Variants in CFAP299 observed in about 807,000 individuals in gnomAD.
The protein encoded by CFAP299 is cilia and flagella associated protein 299.
CFAP299 carries 21 observed loss-of-function variants against 27.0 expected under a neutral mutation model. The ratio of observed to expected loss-of-function variants is 0.78; its 90% CI spans 0.55 to 1.12. The LOEUF (loss-of-function observed/expected upper bound fraction) is 1.12, where lower values mean the gene tolerates loss of function less well. Among genes scored for constraint, CFAP299 ranks in the 50% most tolerant of loss-of-function variants. The pLI, the probability that CFAP299 is intolerant of heterozygous loss-of-function variation, is 0.00. For missense variants in CFAP299, 310 were observed against 276.6 expected, an observed-to-expected ratio of 1.12 and a Z score of -0.86; for synonymous variants, 104 against 98.1, an observed-to-expected ratio of 1.06 and a Z score of -0.36.
At chr4:80,601,095 A>G (rs931236606) in intron 3 of CFAP299, among the ~76,000 whole-genome samples, 2 of 152,148 alleles carry the variant, frequency 1.3e-5, no homozygotes, top group Non-Finnish European at 2.9e-5. Flanking sequence ...GGTTAGAGAG[A>G]AGAATCAATA....
intron 3 of CFAP299, among the ~76,000 whole-genome samples, chr4:80,756,164 C>T (rs529392991): frequency 1.3e-5 from 2 of 152,180 alleles, no homozygotes; most frequent in South Asian, 2.1e-4. Flanking sequence ...ATACTTTACT[C>T]TCTTTTTTGC....
intron 2 of CFAP299, among the ~76,000 whole-genome samples, chr4:80,369,862 C>G (rs1724044903): frequency 2.0e-5 from 3 of 152,188 alleles, no homozygotes; most frequent in Admixed American, 2.0e-4. Context: ...TAGCTGACAG[C>G]TTCTGGATAG....
At chr4:80,768,421 AT>A (rs915944758) in intron 3 of CFAP299, among the ~76,000 whole-genome samples, 2 of 152,222 alleles carry the variant, frequency 1.3e-5, no homozygotes, top group African/African-American at 4.8e-5. Context: ...CACATAACAT[AT>A]TTTTAGATAC....
rs193271044 is a variant in CFAP299, at chr4:80,731,872, C to T, written c.334-138121C>T. 2.0e-3 allele frequency among the ~76,000 whole-genome samples: 298 copies of T among 152,304 alleles called. 1 individual carries two copies. The highest frequency in any genetic ancestry group is 3.0e-3 in the Non-Finnish European group (201 of 68,022). On this transcript the variant is annotated intron_variant, in intron 3 of 5. Coordinates refer to ENST00000358105, the MANE Select transcript of CFAP299 (RefSeq NM_152770.3). ...TTAAAAAAATCTCACCAACCCTCAA[C>T]ATGGCCCTTTCCTGATTTGTTTTTA...
chr4:80,962,142 T>G (rs1189987248), intron 5 of CFAP299, among the ~76,000 whole-genome samples: 1 of 151,980 alleles, frequency 6.6e-6, no homozygotes, highest in Non-Finnish European at 1.5e-5. Context: ...ATAAGAGGAA[T>G]CCACTGACTA....
At chr4:80,397,617 C>T (rs1392421905) in intron 2 of CFAP299, among the ~76,000 whole-genome samples, 4 of 152,074 alleles carry the variant, frequency 2.6e-5, no homozygotes, top group African/African-American at 9.7e-5. Context: ...GCAGAAAACG[C>T]CTTTGACAAA....
chr4:80,598,295 A>G (rs368508055), intron 3 of CFAP299, among the ~76,000 whole-genome samples: 9 of 152,230 alleles, frequency 5.9e-5, no homozygotes, highest in African/African-American at 2.2e-4. Flanking sequence ...TATGGAACAC[A>G]GTGTGCTATA....
At chr4:80,690,278 A>T (rs868693618) in intron 3 of CFAP299, among the ~76,000 whole-genome samples, 3 of 150,564 alleles carry the variant, frequency 2.0e-5, no homozygotes, top group Admixed American at 1.3e-4. Context: ...TCCAAAATTG[A>T]CCACATACTT....
chr4:80,922,636 TACAATA>T (rs1318293022), intron 4 of CFAP299, among the ~76,000 whole-genome samples: 12 of 151,946 alleles, frequency 7.9e-5, no homozygotes, highest in South Asian at 2.1e-4. Context: ...ATATACATGT[TACAATA>T]AAGGGTTTTC....
intron 3 of CFAP299, among the ~76,000 whole-genome samples, chr4:80,770,144 A>C (rs1726127645): frequency 6.6e-6 from 1 of 152,206 alleles, no homozygotes; most frequent in African/African-American, 2.4e-5. Context: ...CATTTCAGCT[A>C]ATATAATGTT....
intron 2 of CFAP299, among the ~76,000 whole-genome samples, chr4:80,475,004 T>C (rs1035265916): frequency 1.2e-4 from 19 of 152,178 alleles, no homozygotes; most frequent in African/African-American, 4.1e-4. Flanking sequence ...CAGCAGAGGT[T>C]TGTCAGCTGA....
chr4:80,945,185 C>G (rs1373531131), intron 5 of CFAP299, among the ~76,000 whole-genome samples: 1 of 152,188 alleles, frequency 6.6e-6, no homozygotes, highest in Middle Eastern at 3.2e-3. Flanking sequence ...AACACTTCTC[C>G]ATGCCTAGCA....
chr4:80,863,219 AGT>A lies in CFAP299; in HGVS notation c.334-6772_334-6771del, dbSNP rs1732493399. ...TAGCATGCTTTTTTTTTTTTTTTTAAGTGACTTTGGCTTCACTGTCAATAAAG... is the reference window on the plus strand; with the variant it reads ...TAGCATGCTTTTTTTTTTTTTTTTAAGACTTTGGCTTCACTGTCAATAAAG... On this transcript the variant is annotated intron_variant, in intron 3 of 5. Coordinates refer to ENST00000358105, the MANE Select transcript of CFAP299 (RefSeq NM_152770.3). 3.1e-5 allele frequency among the ~76,000 whole-genome samples: 4 copies of A among 130,630 alleles called. No homozygotes were observed. The South Asian group carries it at 1.0e-3, about 33-fold the overall frequency. 85.7% of individuals were successfully genotyped at this position (130,630 alleles called of 152,430 possible).
chr4:80,893,680 T>C (rs1435738881), intron 4 of CFAP299, among the ~76,000 whole-genome samples: 1 of 149,186 alleles, frequency 6.7e-6, no homozygotes, highest in African/African-American at 2.5e-5. Flanking sequence ...AAAAAAGAAA[T>C]TGGACCCTTA....
At chr4:80,517,088 A>C (rs1477047079) in intron 2 of CFAP299, among the ~76,000 whole-genome samples, 1 of 152,216 alleles carries the variant, frequency 6.6e-6, no homozygotes. Flanking sequence ...TTTAGCAGCA[A>C]GAAGTTCATT....
intron 3 of CFAP299, among the ~76,000 whole-genome samples, chr4:80,693,331 A>T (rs1161158461): frequency 6.6e-6 from 1 of 151,992 alleles, no homozygotes; most frequent in Non-Finnish European, 1.5e-5. Context: ...GATTAAGAAA[A>T]TGTGGCACAT....
intron 3 of CFAP299, among the ~76,000 whole-genome samples, chr4:80,646,662 T>C (rs973437780): frequency 4.6e-5 from 7 of 152,174 alleles, no homozygotes; most frequent in Non-Finnish European, 8.8e-5. Context: ...ATGATTCTTA[T>C]TGACAGAAAC....
intron 2 of CFAP299, among the ~76,000 whole-genome samples, chr4:80,503,763 A>G (rs1731856248): frequency 6.6e-6 from 1 of 152,124 alleles, no homozygotes; most frequent in Non-Finnish European, 1.5e-5. Context: ...AGGTTACCTT[A>G]CTCACCTTTG....
intron 2 of CFAP299, among the ~76,000 whole-genome samples, chr4:80,402,958 T>TTTAA (rs1327640087): frequency 3.3e-5 from 5 of 152,240 alleles, no homozygotes; most frequent in African/African-American, 1.2e-4. Flanking sequence ...AAGTAGCCTG[T>TTTAA]TTAATTCACT....
Sources: allele counts gnomAD v4.1 joint callset (sites outside exome capture counted in the v4.1 genomes callset), GRCh38; gene constraint gnomAD v4.1.1; transcripts MANE v1.5; gene names NCBI Gene and HGNC (gene_info 2026-07-23, HGNC 2026-07-21).